Variants in CERT1 observed in about 807,000 individuals in gnomAD.
The protein encoded by CERT1 is ceramide transfer protein.
In CERT1, 31 loss-of-function variants were observed where a neutral mutation model predicts 87.9. The ratio of observed to expected loss-of-function variants is 0.35; its 90% confidence interval spans 0.27 to 0.48. CERT1 has a LOEUF of 0.48. Among genes scored for constraint, CERT1 ranks in the 20% least tolerant of loss-of-function variants. The pLI is 0.99. For synonymous variants in CERT1, 289 were observed against 250.9 expected (o/e 1.15, Z -1.44); for missense variants, 487 against 758.0 (o/e 0.64, Z 4.20).
rs764561650 is a variant in CERT1, at chr5:75,402,986, T to C, written c.1003A>G (p.Lys335Glu). ...AATAGATATACCTGTTCTTCTATTT[T>C]ATCTTGTCTGTCAAGAGCAGCTTCA... Reference protein sequence around the residue: ...AVEAALDRQDKIEEQSQSEKV... With the variant: ...AVEAALDRQDEIEEQSQSEKV... Residue 335 changes from lysine to glutamate, a missense_variant, in exon 9 of 17, where the codon AAA becomes GAA. Coordinates refer to ENST00000643780, the MANE Select transcript of CERT1 (RefSeq NM_001379029.1). The C allele has an allele frequency of 1.4e-5, 23 of 1,609,702 alleles. No individual in the cohort carries two copies. The Middle Eastern group carries it at 2.3e-3, about 161-fold the overall frequency.
intron 2 of CERT1, among the ~76,000 whole-genome samples, chr5:75,461,715 T>C (rs1765240104): frequency 6.6e-6 from 1 of 151,926 alleles, no homozygotes; most frequent in South Asian, 2.1e-4. Flanking sequence ...GAGCCATTTC[T>C]ACCATCTATG....
intron 11 of CERT1, among the ~76,000 whole-genome samples, chr5:75,393,914 G>A (rs1330294086): frequency 4.6e-5 from 7 of 151,864 alleles, no homozygotes; most frequent in African/African-American, 1.5e-4. Context: ...GCAGTGAGCC[G>A]AGATCGCGCC....
At chr5:75,392,136 T>C (rs990091423) in intron 11 of CERT1, among the ~76,000 whole-genome samples, 1 of 152,180 alleles carries the variant, frequency 6.6e-6, no homozygotes, top group African/African-American at 2.4e-5. Context: ...ATTCCACAAA[T>C]ATAAACGCGT....
At position 75,411,039 on chromosome 5, in the gene CERT1, T is replaced by A. The variant is rs767988217; in HGVS notation, c.902A>T (p.Lys301Ile). 2 of 1,592,522 alleles carry A rather than the reference T, an allele frequency of 1.3e-6. No individual in the cohort carries two copies. The highest frequency in any genetic ancestry group is 2.7e-5 in the African/African-American group (2 of 74,208). Residue 301 changes from lysine to isoleucine, a missense_variant, in exon 8 of 17, where the codon AAA (lysine) becomes ATA (isoleucine). Physicochemically the swap from Lys to Ile is moderately radical, Grantham distance 102 (BLOSUM62 -3). Around this residue, in one of 8 missense-constraint regions of CERT1, gnomAD observed 21 missense variants for 20.4 expected, o/e 1.03. Transcript: ENST00000643780. ...YKNAMTELKK[K>I]SHFGGPDYEE... ...ATAATCTGGTCCTCCAAAGTGGGAT[T>A]TTTTCTTAAGTTCTGTCATTGCATT...
At chr5:75,427,171 A>C (rs1052508448) in intron 3 of CERT1, among the ~76,000 whole-genome samples, 1 of 152,248 alleles carries the variant, frequency 6.6e-6, no homozygotes, top group African/African-American at 2.4e-5. Context: ...CATAAATTTT[A>C]TATCTTACCT....
intron 7 of CERT1, 123 bp downstream of exon 7, chr5:75,416,753 G>A (rs926698852): frequency 1.3e-6 from 1 of 760,528 alleles, no homozygotes; most frequent in South Asian, 2.2e-5. Context: ...CAGAGTAGTA[G>A]TATCATCTGC....
intron 15 of CERT1, 118 bp from the exon 16 acceptor site, chr5:75,381,319 T>G: frequency 8.8e-7 from 1 of 1,139,796 alleles, no homozygotes; most frequent in Non-Finnish European, 1.3e-6. Context: ...CAGTGAAATC[T>G]TATAAGCACC....
Position 75,500,571 on chromosome 5 carries a change from G to A in CERT1, c.231+5411C>T, listed in dbSNP as rs1315814395. 2.0e-5 allele frequency among the ~76,000 whole-genome samples: 3 copies of A among 151,460 alleles called. No homozygotes were observed. The East Asian group carries it at 6.1e-4, about 31-fold the overall frequency. On this transcript the variant is annotated intron_variant, in intron 2 of 16. Coordinates refer to ENST00000643780, the MANE Select transcript of CERT1 (RefSeq NM_001379029.1). ...TGAGTTTCTCAAAGCATAAATCTTA[G>A]CAGATCGAAGAGTCTCATTTCTTTA...
chr5:75,490,714 G>A (rs541852494), intron 2 of CERT1, among the ~76,000 whole-genome samples: 1 of 152,120 alleles, frequency 6.6e-6, no homozygotes, highest in African/African-American at 2.4e-5. Context: ...TAGCCAGGAT[G>A]GTCTCGATCT....
upstream of CERT1, chr5:75,511,743 T>C (rs1164717210): frequency 4.5e-6 from 7 of 1,548,676 alleles, no homozygotes; most frequent in African/African-American, 6.9e-5. Flanking sequence ...TTCGGGATCC[T>C]CCTCCCGAAC....
At chr5:75,483,640 A>G (rs1388462868) in intron 2 of CERT1, among the ~76,000 whole-genome samples, 1 of 152,202 alleles carries the variant, frequency 6.6e-6, no homozygotes, top group Non-Finnish European at 1.5e-5. Context: ...TGGAGCTCCA[A>G]TACATCTAGC....
chr5:75,389,725 G>A (rs1561227056), intron 11 of CERT1, 38 bp from the exon 12 acceptor site: 1 of 1,477,428 alleles, frequency 6.8e-7, no homozygotes, highest in South Asian at 1.1e-5. Context: ...AATCCAAAAG[G>A]TATGTCATAA....
intron 2 of CERT1, among the ~76,000 whole-genome samples, chr5:75,501,020 ACT>A (rs1767342776): frequency 6.7e-6 from 1 of 148,340 alleles, no homozygotes; most frequent in Non-Finnish European, 1.5e-5. Flanking sequence ...ACAGGGTCTC[ACT>A]CTGTCTCCCA....
At chr5:75,502,625 T>G (rs888772435) in intron 2 of CERT1, among the ~76,000 whole-genome samples, 19 of 152,154 alleles carry the variant, frequency 1.2e-4, no homozygotes, top group Admixed American at 6.5e-5. Flanking sequence ...AATCCTTGTA[T>G]AGTCCTACAT....
chr5:75,408,779 A>C (rs1328415253), intron 8 of CERT1, among the ~76,000 whole-genome samples: 1 of 152,172 alleles, frequency 6.6e-6, no homozygotes, highest in East Asian at 1.9e-4. Flanking sequence ...TGTAAAATAA[A>C]ATAAAAAAAA....
intron 3 of CERT1, among the ~76,000 whole-genome samples, chr5:75,449,587 G>A (rs1764693405): frequency 6.6e-6 from 1 of 152,160 alleles, no homozygotes; most frequent in Non-Finnish European, 1.5e-5. Context: ...GGGACCTCTA[G>A]GCTCAGCTTT....
chr5:75,417,469 A>T (rs1763181371), intron 6 of CERT1, among the ~76,000 whole-genome samples: 1 of 152,194 alleles, frequency 6.6e-6, no homozygotes, highest in Non-Finnish European at 1.5e-5. Flanking sequence ...ACAAATTTAA[A>T]TCCAGGACCA....
chr5:75,495,732 A>C (rs562760046), intron 2 of CERT1, among the ~76,000 whole-genome samples: 7 of 152,292 alleles, frequency 4.6e-5, no homozygotes, highest in African/African-American at 1.7e-4. Flanking sequence ...CAATATAAAA[A>C]ATAAAAATGT....
In CERT1 at chr5:75,511,485, C is replaced by T; in HGVS notation, c.-278G>A. 6.7e-7 allele frequency: 1 copy of T among 1,502,812 alleles called. No individual in the cohort carries two copies. The highest frequency in any genetic ancestry group is 8.9e-7 in the Non-Finnish European group (1 of 1,126,364). The allele number at this position is 1,502,812 out of a possible 1,614,324, so 93.1% of individuals were successfully genotyped here. On this transcript the variant is annotated 5_prime_UTR_variant, in exon 1 of 17. Coordinates refer to ENST00000643780, the MANE Select transcript of CERT1 (RefSeq NM_001379029.1). ...CGTGACCCCTGCGTTGCGCCCGGCGCTGCCACCCGAACTTAGCCCCCTCGA... is the reference window on the plus strand; with the variant it reads ...CGTGACCCCTGCGTTGCGCCCGGCGTTGCCACCCGAACTTAGCCCCCTCGA...
Sources: gnomAD v4.1 joint callset for allele counts (sites outside exome capture counted in the v4.1 genomes callset) on GRCh38, gnomAD v4.1.1 for gene constraint, gnomAD v4.1.1 regional missense constraint, MANE v1.5 for transcripts, NCBI Gene and HGNC (gene_info 2026-07-23, HGNC 2026-07-21) for gene names.